The following ZFP64 variants were observed in gnomAD, a reference collection of about 807,000 sequenced individuals.
ZFP64 encodes zinc finger protein 64.
A neutral mutation model predicts 51.6 loss-of-function variants in ZFP64; 14 were observed. That is an observed-to-expected ratio of 0.27 (90% CI 0.18 to 0.42). The LOEUF (loss-of-function observed/expected upper bound fraction) is 0.42. ZFP64 is among the 10% of genes least tolerant of loss of function. The pLI is 1.00. For synonymous variants in ZFP64, 375 were observed against 361.4 expected, an observed-to-expected ratio of 1.04 and a Z score of -0.43; for missense variants, 754 against 906.8, an observed-to-expected ratio of 0.83 and a Z score of 2.16.
intron 5 of ZFP64, among the ~76,000 whole-genome samples, chr20:52,109,576 C>T (rs987964790): frequency 2.6e-5 from 4 of 151,944 alleles, no homozygotes; most frequent in African/African-American, 7.2e-5. Flanking sequence ...GTCAGGAGTT[C>T]GAGACCAGCT....
At chr20:52,108,822 T>G (rs980936646) in intron 5 of ZFP64, among the ~76,000 whole-genome samples, 5 of 151,308 alleles carry the variant, frequency 3.3e-5, no homozygotes, top group Non-Finnish European at 7.4e-5. Context: ...ATGTTTGGTT[T>G]TAATGGCTTT....
At chr20:52,180,859 T>C (rs1983563761) in intron 2 of ZFP64, among the ~76,000 whole-genome samples, 1 of 152,176 alleles carries the variant, frequency 6.6e-6, no homozygotes, top group Admixed American at 6.5e-5. Context: ...AGCCAGGATA[T>C]GAACCCAAGC....
chr20:52,146,656 C>T (rs1290746731), downstream of ZFP64, among the ~76,000 whole-genome samples: 2 of 152,038 alleles, frequency 1.3e-5, no homozygotes, highest in African/African-American at 4.8e-5. Flanking sequence ...GCGCAGCACA[C>T]CAGCATGGCA....
At chr20:52,110,597 G>A (rs1384312840) in intron 5 of ZFP64, 5 of 749,786 alleles carry the variant, frequency 6.7e-6, no homozygotes, top group Admixed American at 2.4e-5. Context: ...AGGGCCTAGC[G>A]GGCCTCCACG....
intron 2 of ZFP64, among the ~76,000 whole-genome samples, chr20:52,182,587 C>T (rs1026014149): frequency 9.2e-5 from 14 of 152,212 alleles, no homozygotes; most frequent in African/African-American, 3.1e-4. Context: ...GATATGGTGG[C>T]GCAGGCCTGT....
chr20:52,179,446 C>A (rs183587090), intron 2 of ZFP64, among the ~76,000 whole-genome samples: 1 of 152,302 alleles, frequency 6.6e-6, no homozygotes, highest in East Asian at 1.9e-4. Flanking sequence ...CCCTTTCCTG[C>A]CCTCGTTCAA....
At chr20:52,182,035 T>C (rs1316734732) in intron 2 of ZFP64, among the ~76,000 whole-genome samples, 1 of 152,220 alleles carries the variant, frequency 6.6e-6, no homozygotes, top group Non-Finnish European at 1.5e-5. Context: ...TATTAGACTC[T>C]ACATTAATAA....
intron 3 of ZFP64, 40 bp from the exon 4 acceptor site, chr20:52,164,797 T>C: frequency 1.3e-6 from 2 of 1,562,212 alleles, no homozygotes; most frequent in Non-Finnish European, 1.8e-6. Flanking sequence ...AAGGAAAACT[T>C]AGTAACTTTT....
intron 5 of ZFP64, among the ~76,000 whole-genome samples, chr20:52,138,530 T>C (rs1455404163): frequency 6.6e-6 from 1 of 151,754 alleles, no homozygotes; most frequent in East Asian, 1.9e-4. Context: ...AAAGCATGAT[T>C]TAAGGCCAAA....
chr20:52,150,017 G>T (rs1230747186), downstream of ZFP64, among the ~76,000 whole-genome samples: 1 of 151,942 alleles, frequency 6.6e-6, no homozygotes, highest in Admixed American at 6.6e-5. Flanking sequence ...GACCATCCTG[G>T]CTACGGTGAA....
intron 5 of ZFP64, among the ~76,000 whole-genome samples, chr20:52,132,002 A>G (rs6096782): frequency 0.16 from 24,886 of 152,182 alleles, 2,208 homozygotes; most frequent in Non-Finnish European, 0.2. Flanking sequence ...TTGAAAAAAA[A>G]CTGATGTAAT....
At chr20:52,110,285 G>T (rs1978489654) in intron 5 of ZFP64, 1 of 384,130 alleles carries the variant, frequency 2.6e-6, no homozygotes, top group East Asian at 4.2e-5. Flanking sequence ...CTCACAGCCA[G>T]CAGGTTAACT....
At chr20:52,129,436 G>A (rs1979615026) in intron 5 of ZFP64, among the ~76,000 whole-genome samples, 1 of 151,954 alleles carries the variant, frequency 6.6e-6, no homozygotes, top group Non-Finnish European at 1.5e-5. Flanking sequence ...TAGGATTACA[G>A]GTGTGAGCCA....
chr20:52,105,292 G>A (rs1407684188), intron 5 of ZFP64: 6 of 1,268,120 alleles, frequency 4.7e-6, no homozygotes, highest in Non-Finnish European at 6.0e-6. Flanking sequence ...TTCACACAAC[G>A]AATTCCCGGA....
Position 52,152,725 on chromosome 20 carries a change from C to A in ZFP64, c.1467G>T (p.Val489=). ...HLQVPLQPSQ[V]PQFSEGRVKI... Reference sequence around the variant, plus strand: ...TGACTCTTCCCTCGCTGAACTGGGGCACTTGGCTGGGCTGGAGGGGCACCT... The same window carrying A: ...TGACTCTTCCCTCGCTGAACTGGGGAACTTGGCTGGGCTGGAGGGGCACCT... The change falls in exon 6 of 6, where the codon GTG becomes GTT. Residue 489 remains valine (V), a synonymous_variant. Transcript: ENST00000216923. The A allele has an allele frequency of 6.4e-7, 1 of 1,571,654 alleles. No homozygotes were observed. The highest frequency in any genetic ancestry group is 8.6e-7 in the Non-Finnish European group (1 of 1,157,320).
rs1342931507 is a variant in ZFP64, at chr20:52,191,267, A to G, written c.46+324T>C. ...TCCTCCCTTTCTCCTGCCCGCCCCA[A>G]ACTCCGCCTGATGGGGCGGGAATGC... On this transcript the variant is annotated intron_variant, in intron 1 of 5. Transcript: ENST00000216923. The surrounding 1 kb of genome is among the most constrained non-coding windows in gnomAD (Gnocchi z 4.3). 6.6e-6 allele frequency among the ~76,000 whole-genome samples: 1 copy of G among 152,054 alleles called. No individual in the cohort carries two copies.
intron 7 of ZFP64, among the ~76,000 whole-genome samples, chr20:52,095,130 G>A (rs1337872106): frequency 6.6e-6 from 1 of 152,120 alleles, no homozygotes; most frequent in African/African-American, 2.4e-5. Flanking sequence ...CTTACAACTG[G>A]GTCAGAGACA....
intron 3 of ZFP64, chr20:52,165,514 C>T (rs1308494914): frequency 4.1e-6 from 2 of 483,786 alleles, no homozygotes; most frequent in South Asian, 3.1e-5. Flanking sequence ...CTTTTCTGTA[C>T]ATCTGAAATT....
At chr20:52,092,331 C>A (rs2078936413) in intron 7 of ZFP64, among the ~76,000 whole-genome samples, 1 of 152,142 alleles carries the variant, frequency 6.6e-6, no homozygotes, top group African/African-American at 2.4e-5. Context: ...CCTTTCTTCT[C>A]CAGTTGTAAC....
Sources: gnomAD v4.1 joint callset for allele counts (sites outside exome capture counted in the v4.1 genomes callset) on GRCh38, gnomAD v4.1.1 for gene constraint, Gnocchi (gnomAD v3.1) non-coding constraint, MANE v1.5 for transcripts, NCBI Gene and HGNC (gene_info 2026-07-23, HGNC 2026-07-21) for gene names.